ATRN: variants seen among roughly 807,000 people sequenced by gnomAD.
ATRN encodes attractin, also known as attractin-2.
In ATRN, 54 loss-of-function variants were observed where a neutral mutation model predicts 178.7. The observed-to-expected ratio is 0.30, with a 90% CI of 0.24 to 0.38. The LOEUF is 0.38. Among genes scored for constraint, ATRN ranks in the 10% least tolerant of loss-of-function variants. The pLI, the probability that ATRN is intolerant of heterozygous loss-of-function variation, is 1.00. For synonymous variants in ATRN, 636 were observed against 663.0 expected (o/e 0.96, Z 0.63); for missense variants, 1,443 against 1,815.1 (o/e 0.79, Z 3.73).
intron 1 of ATRN, among the ~76,000 whole-genome samples, chr20:3,493,027 AATT>A (rs2084826941): frequency 1.4e-5 from 2 of 146,886 alleles, no homozygotes; most frequent in Non-Finnish European, 1.5e-5. Context: ...TATTATCTAT[AATT>A]ATATAAAATA....
intron 22 of ATRN, among the ~76,000 whole-genome samples, chr20:3,600,732 A>G (rs1210117186): frequency 6.6e-6 from 1 of 152,144 alleles, no homozygotes; most frequent in East Asian, 1.9e-4. Context: ...TAAATTATGT[A>G]TACTTTAATG....
chr20:3,577,095 G>A, intron 14 of ATRN, 98 bp downstream of exon 14: 3 of 1,444,636 alleles, frequency 2.1e-6, no homozygotes, highest in Admixed American at 4.5e-5. Context: ...CAGAGGGGAA[G>A]AGCTAATTCT....
intron 27 of ATRN, among the ~76,000 whole-genome samples, chr20:3,640,216 T>A (rs1328851943): frequency 1.3e-5 from 2 of 152,202 alleles, no homozygotes; most frequent in African/African-American, 2.4e-5. Flanking sequence ...CTTGTTGAAA[T>A]TTTTTAAATA....
At chr20:3,605,429 C>T (rs563600535) in intron 24 of ATRN, among the ~76,000 whole-genome samples, 7 of 152,316 alleles carry the variant, frequency 4.6e-5, no homozygotes, top group African/African-American at 1.7e-4. Flanking sequence ...GAATATAAAT[C>T]ATTCTGTAAC....
In ATRN at chr20:3,601,049, C is replaced by A. The variant is rs775305418; in HGVS notation, c.3643+25C>A. On this transcript the variant is annotated intron_variant, in intron 23 of 28. Coordinates refer to ENST00000262919, the MANE Select transcript of ATRN (RefSeq NM_139321.3). ...GGTAAAGACATACCTAGAGAAGACC[C>A]CGCAAATGAAGGTGTGGTAGATTAA... 5 of 1,564,214 alleles carry A rather than the reference C, an allele frequency of 3.2e-6. No homozygotes were observed. In the South Asian group the frequency reaches 4.5e-5, roughly 14 times the overall value.
rs987884519 is a variant in ATRN, at chr20:3,613,562, G to T, written c.3801+9300G>T. Among the ~76,000 whole-genome samples the T allele has an allele frequency of 7.9e-5, 12 of 152,296 alleles. No homozygotes were observed. The East Asian group carries it at 2.3e-3, about 29-fold the overall frequency. The stretch of plus-strand genomic sequence containing the variant: ...TGTGCAAATTCAGTAAAAATGGAGA[G>T]ACTTATTTAAGGAAGACAGTAGGGA... On this transcript the variant is annotated intron_variant, in intron 24 of 28. Transcript: ENST00000262919.
At chr20:3,565,983 T>C (rs2146230539) in intron 11 of ATRN, among the ~76,000 whole-genome samples, 1 of 152,280 alleles carries the variant, frequency 6.6e-6, no homozygotes, top group East Asian at 1.9e-4. Flanking sequence ...GATCTGGTTT[T>C]GTTAGCACGC....
At chr20:3,630,256 T>C (rs953456882) in intron 25 of ATRN, among the ~76,000 whole-genome samples, 1 of 152,224 alleles carries the variant, frequency 6.6e-6, no homozygotes, top group Non-Finnish European at 1.5e-5. Context: ...CATCGTGGTA[T>C]TCATCACAAT....
At chr20:3,642,817 T>C (rs970086339) in intron 27 of ATRN, among the ~76,000 whole-genome samples, 1 of 152,120 alleles carries the variant, frequency 6.6e-6, no homozygotes, top group Non-Finnish European at 1.5e-5. Flanking sequence ...CTAGAGGGAT[T>C]TTGCAGATGT....
At chr20:3,514,002 A>G (rs554440633) in intron 1 of ATRN, among the ~76,000 whole-genome samples, 43 of 152,264 alleles carry the variant, frequency 2.8e-4, no homozygotes, top group African/African-American at 1.0e-3. Context: ...GGCTGAGACG[A>G]TGGGGTTTTC....
At chr20:3,537,686 G>T (rs1185357145) in intron 2 of ATRN, among the ~76,000 whole-genome samples, 1 of 129,978 alleles carries the variant, frequency 7.7e-6, no homozygotes, top group African/African-American at 2.8e-5. Flanking sequence ...GACAAACCCC[G>T]GTGTGTGATG....
chr20:3,584,221 A>T (rs2086323264), intron 17 of ATRN, 138 bp downstream of exon 17: 1 of 899,232 alleles, frequency 1.1e-6, no homozygotes, highest in Non-Finnish European at 1.7e-6. Context: ...CTGACCAGAG[A>T]CTGCCATCGA....
intron 4 of ATRN, among the ~76,000 whole-genome samples, chr20:3,546,849 T>C (rs975358121): frequency 6.6e-6 from 1 of 152,196 alleles, no homozygotes; most frequent in African/African-American, 2.4e-5. Flanking sequence ...ATATGTACCA[T>C]GAGGATGGTA....
At chr20:3,538,119 A>G (rs1398517920) in intron 2 of ATRN, among the ~76,000 whole-genome samples, 1 of 88,208 alleles carries the variant, frequency 1.1e-5, no homozygotes, top group African/African-American at 4.4e-5. Flanking sequence ...CCCCCCACCT[A>G]TTTACTCTCC....
intron 1 of ATRN, among the ~76,000 whole-genome samples, chr20:3,530,172 C>A (rs1328935763): frequency 1.4e-5 from 2 of 148,062 alleles, no homozygotes; most frequent in Non-Finnish European, 3.0e-5. Flanking sequence ...ACACATAAAG[C>A]AAAAATAATC....
chr20:3,521,054 A>T (rs975402963), intron 1 of ATRN, among the ~76,000 whole-genome samples: 3 of 152,172 alleles, frequency 2.0e-5, no homozygotes, highest in Admixed American at 6.6e-5. Context: ...CAATGAATAC[A>T]TGTGGACACA....
intron 1 of ATRN, among the ~76,000 whole-genome samples, chr20:3,485,295 ACTGTATACAC>A (rs1159753234): frequency 6.6e-6 from 1 of 152,104 alleles, no homozygotes; most frequent in Non-Finnish European, 1.5e-5. Flanking sequence ...TTACTTCTAA[ACTGTATACAC>A]CTTCTTTCTT....
At chr20:3,644,387 T>TG in intron 28 of ATRN, 119 bp downstream of exon 28, 1 of 836,362 alleles carries the variant, frequency 1.2e-6, no homozygotes, top group Non-Finnish European at 1.9e-6. Context: ...TGCCTGCCCA[T>TG]GCCATGGCAA....
At chr20:3,497,024 C>T (rs898469199) in intron 1 of ATRN, among the ~76,000 whole-genome samples, 5 of 151,922 alleles carry the variant, frequency 3.3e-5, no homozygotes, top group Non-Finnish European at 7.4e-5. Flanking sequence ...GTAGATCTTC[C>T]ACCATCCTTT....
Sources: allele counts gnomAD v4.1 joint callset (sites outside exome capture counted in the v4.1 genomes callset), GRCh38; gene constraint gnomAD v4.1.1; transcripts MANE v1.5; gene names NCBI Gene and HGNC (gene_info 2026-07-23, HGNC 2026-07-21).